Variants in SLC44A1 observed in about 807,000 individuals in gnomAD.
SLC44A1 encodes choline transporter-like protein 1.
A neutral mutation model predicts 79.3 loss-of-function variants in SLC44A1; 26 were observed. That is an observed-to-expected ratio of 0.33 (90% CI 0.24 to 0.46). SLC44A1 has a LOEUF of 0.46. Among genes scored for constraint, SLC44A1 ranks in the 20% least tolerant of loss-of-function variants. SLC44A1 has a pLI of 1.00. For synonymous variants in SLC44A1, 263 were observed against 286.2 expected (o/e 0.92, Z 0.82); for missense variants, 688 against 798.1 (o/e 0.86, Z 1.66).
chr9:105,326,271 G>C (rs1268917488), intron 3 of SLC44A1, among the ~76,000 whole-genome samples: 5 of 152,134 alleles, frequency 3.3e-5, no homozygotes, highest in African/African-American at 1.2e-4. Flanking sequence ...GGGTCTGGCT[G>C]TGTTGCCCAG....
At chr9:105,279,629 C>T (rs1830302740) in intron 1 of SLC44A1, among the ~76,000 whole-genome samples, 1 of 152,102 alleles carries the variant, frequency 6.6e-6, no homozygotes, top group East Asian at 1.9e-4. Context: ...AAAACTGTAT[C>T]TTTAATAAGA....
In SLC44A1 at chr9:105,394,118, C is replaced by T. The variant is rs1048164333; in HGVS notation, c.*5062C>T. On this transcript the variant is annotated 3_prime_UTR_variant, in exon 16 of 16. Coordinates refer to ENST00000374720, the MANE Select transcript of SLC44A1 (RefSeq NM_080546.5). ...CTCATAGAATTTCAGGGCCCTCAGA[C>T]GGCCAGCTTCCACCCCTGTACCCCC... 40 of 985,302 alleles carry T rather than the reference C, an allele frequency of 4.1e-5. No homozygotes were observed. Among genetic ancestry groups the T allele is most frequent in the Middle Eastern group, 5.2e-4 (1 of 1,936 alleles). 61.0% of individuals were successfully genotyped at this position (985,302 alleles called of 1,614,324 possible). A position where few individuals can be genotyped will look rare whatever the true frequency, so the allele number is the denominator to read the frequency against.
intron 12 of SLC44A1, among the ~76,000 whole-genome samples, chr9:105,370,413 C>T (rs901802787): frequency 3.3e-5 from 5 of 152,130 alleles, no homozygotes; most frequent in African/African-American, 1.2e-4. Context: ...TGCATAGATC[C>T]ATAGAAATAT....
intron 1 of SLC44A1, among the ~76,000 whole-genome samples, chr9:105,292,259 T>A (rs1830618650): frequency 6.6e-6 from 1 of 152,214 alleles, no homozygotes; most frequent in Non-Finnish European, 1.5e-5. Flanking sequence ...CTTAACTCAT[T>A]GTTAGTAGGA....
intron 12 of SLC44A1, among the ~76,000 whole-genome samples, chr9:105,370,812 T>C (rs1828074764): frequency 6.6e-6 from 1 of 152,228 alleles, no homozygotes; most frequent in African/African-American, 2.4e-5. Flanking sequence ...GAGTGAGTTG[T>C]TCCCATTGAG....
intron 7 of SLC44A1, among the ~76,000 whole-genome samples, chr9:105,359,065 C>T (rs933897544): frequency 2.0e-5 from 3 of 152,078 alleles, no homozygotes; most frequent in East Asian, 1.9e-4. Flanking sequence ...CTTTTGTACT[C>T]GGGTTATAAT....
intron 15 of SLC44A1, chr9:105,386,319 C>T (rs1828624769): frequency 9.6e-6 from 9 of 935,290 alleles, no homozygotes; most frequent in Non-Finnish European, 1.1e-5. Context: ...AATTTAAACA[C>T]GTATTTTTTT....
chr9:105,335,596 C>G lies in SLC44A1; in HGVS notation c.303C>G (p.Asp101Glu). Reference sequence around the variant, plus strand: ...TCTTTTTGGATCCATGCAACCTGGACTTGATAAACCGGAAGATTAAGTCTG... The same window carrying G: ...TCTTTTTGGATCCATGCAACCTGGAGTTGATAAACCGGAAGATTAAGTCTG... The part of the protein sequence containing the change: ...YVFFLDPCNL[D>E]LINRKIKSVA... The change falls in exon 4 of 16, where the codon GAC (aspartate) becomes GAG (glutamate). Residue 101 changes from aspartate (D) to glutamate (E), a missense_variant. Physicochemically the swap from Asp to Glu is conservative, Grantham distance 45 (BLOSUM62 2). Transcript: ENST00000374720. 1.9e-6 allele frequency: 3 copies of G among 1,613,240 alleles called. No homozygotes were observed. In the South Asian group the frequency reaches 3.3e-5, roughly 18 times the overall value.
chr9:105,374,757 G>A, intron 13 of SLC44A1, 22 bp downstream of exon 13: 2 of 1,567,950 alleles, frequency 1.3e-6, no homozygotes, highest in Non-Finnish European at 1.7e-6. Context: ...TATTTTTTCT[G>A]CAACATACAG....
chr9:105,287,970 A>T (rs1452208711), intron 1 of SLC44A1, among the ~76,000 whole-genome samples: 2 of 152,212 alleles, frequency 1.3e-5, no homozygotes, highest in Non-Finnish European at 2.9e-5. Flanking sequence ...ATCTGGATAA[A>T]TGGGAGCATA....
At chr9:105,398,846 CT>C (rs772285522), downstream of SLC44A1, among the ~76,000 whole-genome samples, 3 of 152,158 alleles carry the variant, frequency 2.0e-5, no homozygotes, top group Non-Finnish European at 4.4e-5. Context: ...GGTGTCCAAT[CT>C]TTTGGCTTTC....
At chr9:105,355,948 TGC>T in intron 5 of SLC44A1, 2 of 451,810 alleles carry the variant, frequency 4.4e-6, no homozygotes, top group Admixed American at 4.1e-5. Flanking sequence ...TGTGTGTGTG[TGC>T]GTTTCTTTTC....
intron 15 of SLC44A1, among the ~76,000 whole-genome samples, chr9:105,427,254 T>G (rs1444261173): frequency 2.0e-5 from 3 of 151,408 alleles, no homozygotes; most frequent in Non-Finnish European, 4.4e-5. Flanking sequence ...TCCCTTAACA[T>G]ATTAGAATTT....
At chr9:105,421,101 A>G (rs2131515712) in intron 15 of SLC44A1, among the ~76,000 whole-genome samples, 1 of 152,314 alleles carries the variant, frequency 6.6e-6, no homozygotes, top group South Asian at 2.1e-4. Flanking sequence ...CGTTTTAAAA[A>G]CTATTTCACC....
chr9:105,293,100 T>A (rs1042247167), intron 1 of SLC44A1, among the ~76,000 whole-genome samples: 2 of 152,172 alleles, frequency 1.3e-5, no homozygotes, highest in African/African-American at 4.8e-5. Context: ...AAGGCTGCAG[T>A]GAACCATGAT....
At chr9:105,348,520 T>G in intron 5 of SLC44A1, 69 bp downstream of exon 5, 1 of 965,836 alleles carries the variant, frequency 1.0e-6, no homozygotes, top group Non-Finnish European at 1.7e-6. Flanking sequence ...ACAATATATG[T>G]TATTCTGAGA....
rs145133149 is a variant in SLC44A1, at chr9:105,396,240, T to C, written c.*7184T>C. The C allele has an allele frequency of 1.7e-4, 172 of 985,260 alleles. 1 individual carries two copies. The Middle Eastern group carries it at 4.7e-3, about 27-fold the overall frequency. The allele number at this position is 985,260 out of a possible 1,614,324, so 61.0% of individuals were successfully genotyped here. On this transcript the variant is annotated 3_prime_UTR_variant, in exon 16 of 16. Coordinates refer to ENST00000374720, the MANE Select transcript of SLC44A1 (RefSeq NM_080546.5). ...AAGTTGTTATACTTTCTCAGAATAT[T>C]CTGGACCACTGAATGCACTTCTAAT... is the stretch of plus-strand genomic sequence containing the variant.
intron 15 of SLC44A1, among the ~76,000 whole-genome samples, chr9:105,428,224 A>G (rs972878648): frequency 1.3e-5 from 2 of 152,102 alleles, no homozygotes; most frequent in Non-Finnish European, 2.9e-5. Context: ...ATAGTTACCT[A>G]TATTTTCTAT....
intron 1 of SLC44A1, among the ~76,000 whole-genome samples, chr9:105,296,942 G>A (rs1588748141): frequency 6.6e-6 from 1 of 152,196 alleles, no homozygotes; most frequent in East Asian, 1.9e-4. Context: ...CTGCCACCCA[G>A]AGATATGAAG....
Sources: allele counts gnomAD v4.1 joint callset (sites outside exome capture counted in the v4.1 genomes callset), GRCh38; gene constraint gnomAD v4.1.1; transcripts MANE v1.5; gene names NCBI Gene and HGNC (gene_info 2026-07-23, HGNC 2026-07-21).